SLC12A8: variants seen among roughly 807,000 people sequenced by gnomAD.
SLC12A8 encodes the protein solute carrier family 12 member 8, also known as cation-chloride cotransporter 9.
In SLC12A8, 69 loss-of-function variants were observed where a neutral mutation model predicts 75.6. The observed-to-expected ratio is 0.91, with a 90% confidence interval of 0.75 to 1.11. The LOEUF (loss-of-function observed/expected upper bound fraction) is 1.11, where lower values mean the gene tolerates loss of function less well. Ranked by LOEUF, SLC12A8 falls within the 50% of genes most tolerant of loss-of-function variation. SLC12A8 has a pLI of 0.00. For synonymous variants in SLC12A8, 365 were observed against 372.8 expected (o/e 0.98, Z 0.24); for missense variants, 877 against 896.7 (o/e 0.98, Z 0.28).
At chr3:125,127,692 G>A (rs1267755435) in intron 6 of SLC12A8, among the ~76,000 whole-genome samples, 1 of 152,156 alleles carries the variant, frequency 6.6e-6, no homozygotes, top group Non-Finnish European at 1.5e-5. Context: ...CTGTGGAGAA[G>A]TTTAAACAGA....
At chr3:125,129,786 T>C (rs375024106) in intron 6 of SLC12A8, among the ~76,000 whole-genome samples, 2 of 152,214 alleles carry the variant, frequency 1.3e-5, no homozygotes, top group East Asian at 1.9e-4. Flanking sequence ...TTTTCATAGC[T>C]TAACCGAACA....
intron 10 of SLC12A8, among the ~76,000 whole-genome samples, chr3:125,094,717 T>C (rs928798258): frequency 1.3e-5 from 2 of 152,250 alleles, no homozygotes; most frequent in Admixed American, 6.5e-5. Flanking sequence ...CTCTCCCTTA[T>C]AGCAAACCTC....
At chr3:125,158,421 A>G (rs188051408) in intron 5 of SLC12A8, among the ~76,000 whole-genome samples, 10 of 152,198 alleles carry the variant, frequency 6.6e-5, no homozygotes, top group African/African-American at 1.7e-4. Flanking sequence ...GGGTTTCACC[A>G]TGTTGCCCAG....
At chr3:125,128,216 T>C (rs1933259716) in intron 6 of SLC12A8, among the ~76,000 whole-genome samples, 1 of 130,074 alleles carries the variant, frequency 7.7e-6, no homozygotes, top group Non-Finnish European at 1.6e-5. Context: ...AGTCTCGCTC[T>C]GTCGCCCAGG....
At chr3:125,142,148 C>T (rs1933665481) in intron 5 of SLC12A8, among the ~76,000 whole-genome samples, 1 of 152,190 alleles carries the variant, frequency 6.6e-6, no homozygotes. Context: ...GCAGCCAATC[C>T]GAAACTGCCT....
rs182333054 is a variant in SLC12A8, at chr3:125,198,846, C to T, written c.52-8325G>A. Among the ~76,000 whole-genome samples, 85 of 150,532 alleles carry T rather than the reference C, an allele frequency of 5.6e-4. No homozygotes were observed. In the East Asian group the frequency reaches 7.3e-3, roughly 13 times the overall value. On this transcript the variant is annotated intron_variant, in intron 2 of 13. Transcript: ENST00000469902. Reference sequence around the variant, plus strand: ...AGGCTGGAGTGCAGTGGCGTGATCTCGGCTCACTGCAAGCTCCACCTCTCG... The same window carrying T: ...AGGCTGGAGTGCAGTGGCGTGATCTTGGCTCACTGCAAGCTCCACCTCTCG...
intron 5 of SLC12A8, among the ~76,000 whole-genome samples, chr3:125,154,543 A>G (rs1934003699): frequency 6.6e-6 from 1 of 152,184 alleles, no homozygotes; most frequent in African/African-American, 2.4e-5. Flanking sequence ...CAGAATGCTC[A>G]ATAAACATTA....
chr3:125,195,188 G>A (rs1395130293), intron 2 of SLC12A8, among the ~76,000 whole-genome samples: 1 of 152,260 alleles, frequency 6.6e-6, no homozygotes, highest in African/African-American at 2.4e-5. Context: ...TGCATTTGCT[G>A]CTTTCCCCAG....
chr3:125,151,593 G>A (rs1057023903), intron 5 of SLC12A8: 2 of 152,648 alleles, frequency 1.3e-5, no homozygotes, highest in African/African-American at 2.4e-5. Context: ...ATGCTGAAGG[G>A]GCAGCCCTGC....
intron 2 of SLC12A8, among the ~76,000 whole-genome samples, chr3:125,202,548 G>A (rs1333421382): frequency 1.3e-5 from 2 of 151,952 alleles, no homozygotes; most frequent in Non-Finnish European, 2.9e-5. Context: ...TCTGACCATG[G>A]ATGAAATTTA....
In SLC12A8 at chr3:125,110,381, G is replaced by A. The variant is rs867930631; in HGVS notation, c.913-46C>T. 2 of 1,590,386 alleles carry A rather than the reference G, an allele frequency of 1.3e-6. 1 individual carries two copies. Among genetic ancestry groups the A allele is most frequent in the Middle Eastern group, 3.4e-4 (2 of 5,966 alleles). Reference sequence around the variant, plus strand: ...TTCGCCAGTGCCAGAACCTGCTCCTGTGCCTTTCTACCCCCCCAGCACCCA... The same window carrying A: ...TTCGCCAGTGCCAGAACCTGCTCCTATGCCTTTCTACCCCCCCAGCACCCA... On this transcript the variant is annotated intron_variant, in intron 8 of 13. Transcript: ENST00000469902.
At chr3:125,088,005 C>T in intron 13 of SLC12A8, 1 of 380,352 alleles carries the variant, frequency 2.6e-6, no homozygotes, top group Non-Finnish European at 4.9e-6. Flanking sequence ...AGACTGTAAA[C>T]TCACTGAGAG....
chr3:125,083,780 G>T lies in SLC12A8; in HGVS notation c.*110C>A. On this transcript the variant is annotated 3_prime_UTR_variant, in exon 14 of 14. Transcript: ENST00000469902. ...TTTCCATTGTCCAAAGTGACAGCGG[G>T]AGGATGGGTCTTGAGTTTCTCAGGT... is the stretch of plus-strand genomic sequence containing the variant. The T allele has an allele frequency of 9.6e-7, 1 of 1,038,466 alleles. No individual in the cohort carries two copies. The highest frequency in any genetic ancestry group is 1.4e-6 in the Non-Finnish European group (1 of 726,532). 64.3% of individuals were successfully genotyped at this position (1,038,466 alleles called of 1,614,324 possible). A position where few individuals can be genotyped will look rare whatever the true frequency, so the allele number is the denominator to read the frequency against.
In SLC12A8 at chr3:125,187,026, G is replaced by A. The variant is rs371598183; in HGVS notation, c.390+211C>T. Among the ~76,000 whole-genome samples the A allele has an allele frequency of 8.5e-5, 13 of 152,350 alleles. 1 individual carries two copies. The highest frequency in any genetic ancestry group is 1.3e-4 in the Admixed American group (2 of 15,302). ...CACATCAGGCATCCAGGAGGCGGGA[G>A]TGGCAGAGGGAAAGGAGTGCTGGAC... On this transcript the variant is annotated intron_variant, in intron 4 of 13. Coordinates refer to ENST00000469902, the MANE Select transcript of SLC12A8 (RefSeq NM_024628.6).
At chr3:125,111,234 G>C (rs1378392678) in intron 8 of SLC12A8, among the ~76,000 whole-genome samples, 1 of 152,118 alleles carries the variant, frequency 6.6e-6, no homozygotes, top group Non-Finnish European at 1.5e-5. Flanking sequence ...TATAAATGAC[G>C]AATGAATGAA....
chr3:125,187,229 G>A lies in SLC12A8; in HGVS notation c.390+8C>T, dbSNP rs753021237. Reference sequence around the variant, plus strand: ...AGGCAGGGGAAGCATCCCGGGCGCAGGCCTCACCTGTCCAAACACATAGAG... The same window carrying A: ...AGGCAGGGGAAGCATCCCGGGCGCAAGCCTCACCTGTCCAAACACATAGAG... On this transcript the variant is annotated splice_region_variant and intron_variant, in intron 4 of 13. Transcript: ENST00000469902. 1 of 1,612,666 alleles carries A rather than the reference G, an allele frequency of 6.2e-7. No homozygotes were observed. The highest frequency in any genetic ancestry group is 1.7e-5 in the Admixed American group (1 of 59,994).
At chr3:125,114,089 C>T (rs1477563017) in intron 8 of SLC12A8, among the ~76,000 whole-genome samples, 1 of 152,164 alleles carries the variant, frequency 6.6e-6, no homozygotes, top group Non-Finnish European at 1.5e-5. Flanking sequence ...TCATGAGTTT[C>T]CTAACATCTC....
intron 5 of SLC12A8, among the ~76,000 whole-genome samples, chr3:125,160,378 A>C (rs576442683): frequency 2.0e-5 from 3 of 152,396 alleles, no homozygotes; most frequent in South Asian, 4.1e-4. Context: ...TATAAAGTAC[A>C]AAAAATCAGT....
intron 6 of SLC12A8, among the ~76,000 whole-genome samples, chr3:125,123,887 A>G (rs1933125647): frequency 6.6e-6 from 1 of 152,168 alleles, no homozygotes; most frequent in African/African-American, 2.4e-5. Flanking sequence ...ACCTTCCTTC[A>G]GATCTTTTAT....
Sources: gnomAD v4.1 joint callset for allele counts (sites outside exome capture counted in the v4.1 genomes callset) on GRCh38, gnomAD v4.1.1 for gene constraint, MANE v1.5 for transcripts, NCBI Gene and HGNC (gene_info 2026-07-23, HGNC 2026-07-21) for gene names.